The following MYL10 variants were observed in gnomAD, a reference collection of about 807,000 sequenced individuals.
The protein encoded by MYL10 is myosin regulatory light chain 10.
In MYL10, 18 loss-of-function variants were observed where a neutral mutation model predicts 21.9. That is an observed-to-expected ratio of 0.82 (90% CI 0.57 to 1.22). The LOEUF (loss-of-function observed/expected upper bound fraction) is 1.22, where lower values mean the gene tolerates loss of function less well. Ranked by LOEUF, MYL10 falls within the 50% of genes most tolerant of loss-of-function variation. The probability of loss-of-function intolerance (pLI) is 0.00; values close to 1 mark genes in which losing one functional copy is unlikely to be tolerated. For synonymous variants in MYL10, 88 were observed against 82.8 expected (o/e 1.06, Z -0.34); for missense variants, 225 against 230.4 (o/e 0.98, Z 0.15).
chr7:101,624,037 A>AC lies in MYL10; in HGVS notation c.172-17_172-16insG. ...GAGCCAGACTCTGTCAAACAAACAA[A>AC]TAATAATAATAATAATAGTAATAAT... On this transcript the variant is annotated splice_polypyrimidine_tract_variant and intron_variant, in intron 2 of 7. Transcript: ENST00000223167. 2 of 568,620 alleles carry AC rather than the reference A, an allele frequency of 3.5e-6. No individual in the cohort carries two copies. Among genetic ancestry groups the AC allele is most frequent in the Non-Finnish European group, 6.3e-6 (2 of 315,290 alleles). 35.2% of individuals were successfully genotyped at this position (568,620 alleles called of 1,614,324 possible).
chr7:101,623,396 C>A (rs1796703787), intron 3 of MYL10, among the ~76,000 whole-genome samples: 1 of 152,080 alleles, frequency 6.6e-6, no homozygotes, highest in Non-Finnish European at 1.5e-5. Flanking sequence ...ATGGTGGCCT[C>A]AAAAAATAAT....
intron 1 of MYL10, among the ~76,000 whole-genome samples, chr7:101,628,490 C>G (rs889866649): frequency 2.0e-5 from 3 of 152,144 alleles, no homozygotes; most frequent in Non-Finnish European, 4.4e-5. Context: ...GGAGGTGACT[C>G]TGATGAGGAA....
At position 101,623,035 on chromosome 7, in the gene MYL10, A is replaced by G. The variant is rs1430253190; in HGVS notation, c.311T>C (p.Ile104Thr). The G allele has an allele frequency of 1.2e-6, 2 of 1,613,994 alleles. No individual in the cohort carries two copies. Among genetic ancestry groups the G allele is most frequent in the Non-Finnish European group, 1.7e-6 (2 of 1,180,000 alleles). The change falls in exon 4 of 8, where the codon ATC (isoleucine) becomes ACC (threonine). Residue 104 changes from isoleucine to threonine, a missense_variant. Ile to Thr is a moderately conservative substitution (Grantham distance 89, BLOSUM62 -1). Coordinates refer to ENST00000223167, the MANE Select transcript of MYL10 (RefSeq NM_138403.5). ...TIMDQNRDGF[I>T]DKEDLRDTFA... ...GGTGTCCCTCAAGTCCTCTTTGTCG[A>G]TGAAGCCATCACGGTTCTGGTCCAT... is the stretch of plus-strand genomic sequence containing the variant.
At chr7:101,628,528 C>T (rs543186522) in intron 1 of MYL10, among the ~76,000 whole-genome samples, 105 of 152,178 alleles carry the variant, frequency 6.9e-4, no homozygotes, top group Non-Finnish European at 1.4e-3. Context: ...CTCCATTCCA[C>T]CCTGGCCTCA....
chr7:101,613,802 A>G, intron 6 of MYL10, 92 bp from the exon 7 acceptor site: 1 of 1,195,814 alleles, frequency 8.4e-7, no homozygotes, highest in Non-Finnish European at 1.2e-6. Context: ...AAGTGGGGGC[A>G]GGGGGACATC....
chr7:101,620,913 C>G (rs532199696), intron 5 of MYL10, among the ~76,000 whole-genome samples: 4 of 151,834 alleles, frequency 2.6e-5, no homozygotes, highest in African/African-American at 7.3e-5. Flanking sequence ...CTCAGCCTCC[C>G]GAGCAGCTGG....
intron 1 of MYL10, among the ~76,000 whole-genome samples, chr7:101,624,853 TAG>T (rs1458433519): frequency 6.6e-6 from 1 of 151,974 alleles, no homozygotes; most frequent in Non-Finnish European, 1.5e-5. Context: ...AGAATCTATC[TAG>T]AGACTCCTAC....
chr7:101,613,366 C>T lies in MYL10; in HGVS notation c.*109G>A, dbSNP rs1796570935. The T allele has an allele frequency of 2.4e-6, 2 of 847,546 alleles. No homozygotes were observed. Among genetic ancestry groups the T allele is most frequent in the Non-Finnish European group, 3.9e-6 (2 of 514,484 alleles). The allele number at this position is 847,546 out of a possible 1,614,324, so 52.5% of individuals were successfully genotyped here. A position where few individuals can be genotyped will look rare whatever the true frequency, so the allele number is the denominator to read the frequency against. On this transcript the variant is annotated 3_prime_UTR_variant, in exon 8 of 8. Transcript: ENST00000223167. ...TTATTTATTCTTGCTTTGTCCCCAACCGTAGGACAAGGGAAGCCTTTTTCC... is the reference window on the plus strand; with the variant it reads ...TTATTTATTCTTGCTTTGTCCCCAATCGTAGGACAAGGGAAGCCTTTTTCC...
intron 5 of MYL10, among the ~76,000 whole-genome samples, chr7:101,619,979 C>T (rs1175137069): frequency 6.6e-6 from 1 of 151,534 alleles, no homozygotes; most frequent in African/African-American, 2.4e-5. Context: ...AGTTAAGCAT[C>T]TTGAGATGCA....
chr7:101,619,936 AC>A (rs1321367227), intron 5 of MYL10, among the ~76,000 whole-genome samples: 1 of 150,238 alleles, frequency 6.7e-6, no homozygotes, highest in Non-Finnish European at 1.5e-5. Flanking sequence ...TGCAAATGTC[AC>A]CTTATTTGGA....
intron 5 of MYL10, among the ~76,000 whole-genome samples, chr7:101,617,562 C>G (rs1796622835): frequency 6.6e-6 from 1 of 152,234 alleles, no homozygotes; most frequent in Non-Finnish European, 1.5e-5. Context: ...GGCCATGTGC[C>G]TCCCTCATCA....
chr7:101,620,795 C>CTT (rs1158170322), intron 5 of MYL10, among the ~76,000 whole-genome samples: 1 of 95,080 alleles, frequency 1.1e-5, no homozygotes, highest in Non-Finnish European at 2.2e-5. Context: ...TTTTTTTTTT[C>CTT]TTTTTTTTTT....
In MYL10 at chr7:101,624,238, T is replaced by C. The variant is rs532661789; in HGVS notation, c.105A>G (p.Ala35=). The stretch of plus-strand genomic sequence containing the variant: ...AGACGTTGGAGCTGGCGGTGCCTTC[T>C]GCTCTTTTCCGAGCTCTTCTCGGTG... ...LQAPRRARKR[A]EGTASSNVFS... The change falls in exon 2 of 8, where the codon GCA becomes GCG. Residue 35 remains alanine (A), a synonymous_variant. Transcript: ENST00000223167. 6.2e-6 allele frequency: 10 copies of C among 1,613,792 alleles called. No individual in the cohort carries two copies. The African/African-American group carries it at 1.3e-4, about 22-fold the overall frequency.
At chr7:101,625,178 C>G (rs902870987) in intron 1 of MYL10, among the ~76,000 whole-genome samples, 1 of 152,180 alleles carries the variant, frequency 6.6e-6, no homozygotes, top group Non-Finnish European at 1.5e-5. Context: ...AGGCCACCCA[C>G]GTTGAGTAGT....
intron 1 of MYL10, among the ~76,000 whole-genome samples, chr7:101,627,669 C>T (rs1796762831): frequency 6.6e-6 from 1 of 152,218 alleles, no homozygotes; most frequent in South Asian, 2.1e-4. Context: ...TGGGGGGAAT[C>T]CGTGGGCAAA....
Position 101,622,215 on chromosome 7 carries a change from AG to A in MYL10, c.350-16del. 3 of 1,595,152 alleles carry A rather than the reference AG, an allele frequency of 1.9e-6. No homozygotes were observed. Among genetic ancestry groups the A allele is most frequent in the Non-Finnish European group, 8.6e-7 (1 of 1,164,804 alleles). ...ATTGATGCGGCCTGTGGGAGGTGAG[AG>A]GTGGGGGCAGGGAGGATAAGAGAGA... On this transcript the variant is annotated splice_polypyrimidine_tract_variant and intron_variant, in intron 4 of 7. Transcript: ENST00000223167.
chr7:101,616,149 C>T, intron 6 of MYL10, 71 bp downstream of exon 6: 1 of 1,343,846 alleles, frequency 7.4e-7, no homozygotes, highest in African/African-American at 1.4e-5. Flanking sequence ...ACTGGGCGAC[C>T]ATCCACCCTG....
Position 101,613,586 on chromosome 7 carries a change from A to G in MYL10, c.583-13T>C. 6.2e-7 allele frequency: 1 copy of G among 1,614,034 alleles called. No homozygotes were observed. The highest frequency in any genetic ancestry group is 8.5e-7 in the Non-Finnish European group (1 of 1,179,884). ...ACATCTGCTTGACCTGAGAAGGAGC[A>G]GAGAGTCAGCCTGCACCAGGCCAAG... On this transcript the variant is annotated splice_polypyrimidine_tract_variant and intron_variant, in intron 7 of 7. Coordinates refer to ENST00000223167, the MANE Select transcript of MYL10 (RefSeq NM_138403.5).
chr7:101,622,372 T>C (rs956596367), intron 4 of MYL10, among the ~76,000 whole-genome samples, 172 bp from the exon 5 acceptor site: 2 of 152,138 alleles, frequency 1.3e-5, no homozygotes, highest in African/African-American at 4.8e-5. Flanking sequence ...ACAGTCAGCT[T>C]CCGGCTGCCC....
Sources: allele counts gnomAD v4.1 joint callset (sites outside exome capture counted in the v4.1 genomes callset), GRCh38; gene constraint gnomAD v4.1.1; transcripts MANE v1.5; gene names NCBI Gene and HGNC (gene_info 2026-07-23, HGNC 2026-07-21).